Variants in ARPP19 observed in about 807,000 individuals in gnomAD.
ARPP19 encodes the protein cAMP regulated phosphoprotein 19.
ARPP19 carries 8 observed loss-of-function variants against 12.0 expected under a neutral mutation model. The ratio of observed to expected loss-of-function variants is 0.67; its 90% CI spans 0.39 to 1.21. ARPP19 has a LOEUF of 1.21. ARPP19 is among the 50% of genes most tolerant of loss of function. The pLI, the probability that ARPP19 is intolerant of heterozygous loss-of-function variation, is 0.01. For missense variants in ARPP19, 102 were observed against 136.3 expected, an observed-to-expected ratio of 0.75 and a Z score of 1.25; for synonymous variants, 47 against 50.4, an observed-to-expected ratio of 0.93 and a Z score of 0.29.
Position 52,550,522 on chromosome 15 carries a change from C to T in ARPP19, c.*1412G>A, listed in dbSNP as rs991055758. The T allele has an allele frequency of 2.0e-5, 3 of 151,838 alleles. No individual in the cohort carries two copies. Among genetic ancestry groups the T allele is most frequent in the Non-Finnish European group, 4.4e-5 (3 of 67,998 alleles). 9.4% of individuals were successfully genotyped at this position (151,838 alleles called of 1,614,324 possible). On this transcript the variant is annotated 3_prime_UTR_variant, in exon 3 of 3. Transcript: ENST00000249822. ...TAGAATATTAGTAATAATAAAGGAT[C>T]AAGAATAGTTAACTTGAGCCTAGGA...
At chr15:52,569,361 G>A, upstream of ARPP19, 1 of 193,940 alleles carries the variant, frequency 5.2e-6, no homozygotes, top group Non-Finnish European at 1.1e-5. Context: ...TCTCCGCTCT[G>A]TAGCCACACA....
At chr15:52,556,926 A>C in intron 2 of ARPP19, 174 bp downstream of exon 2, 3 of 562,694 alleles carry the variant, frequency 5.3e-6, no homozygotes, top group Non-Finnish European at 9.0e-6. Context: ...GTAGATTCTC[A>C]CAATGCTTAT....
Position 52,568,847 on chromosome 15 carries a change from CCTT to C in ARPP19, c.43_45del (p.Lys15del). ...CCAGGGCTCACGCCCCGCGCGCTCACCTTCTGCTCCTCCGCGGAGGCTGCCTCG... is the reference window on the plus strand; with the variant it reads ...CCAGGGCTCACGCCCCGCGCGCTCACCTGCTCCTCCGCGGAGGCTGCCTCG... On this transcript the variant is annotated inframe_deletion and splice_region_variant, in exon 1 of 3. Transcript: ENST00000249822. 1 of 1,573,324 alleles carries C rather than the reference CCTT, an allele frequency of 6.4e-7. No homozygotes were observed. Among genetic ancestry groups the C allele is most frequent in the Non-Finnish European group, 8.6e-7 (1 of 1,163,900 alleles).
intron 2 of ARPP19, among the ~76,000 whole-genome samples, chr15:52,553,723 A>G (rs994178929): frequency 6.6e-6 from 1 of 152,190 alleles, no homozygotes; most frequent in African/African-American, 2.4e-5. Flanking sequence ...GATAATATTT[A>G]TGGAATCTTA....
rs1472369019 is a variant in ARPP19 at position 52,550,461 on chromosome 15, C to T, written c.*1473G>A. The T allele has an allele frequency of 1.3e-5, 2 of 152,164 alleles. No homozygotes were observed. Among genetic ancestry groups the T allele is most frequent in the East Asian group, 1.9e-4 (1 of 5,190 alleles). The allele number at this position is 152,164 out of a possible 1,614,324, so 9.4% of individuals were successfully genotyped here. ...AGGTTCTTGAGCCAGTATTCCGAAC[C>T]GTTTCATTATAAAGTTCCTTTTATT... is the stretch of plus-strand genomic sequence containing the variant. On this transcript the variant is annotated 3_prime_UTR_variant, in exon 3 of 3. Coordinates refer to ENST00000249822, the MANE Select transcript of ARPP19 (RefSeq NM_006628.6).
chr15:52,554,261 G>C (rs2077961718), intron 2 of ARPP19, among the ~76,000 whole-genome samples: 1 of 151,882 alleles, frequency 6.6e-6, no homozygotes, highest in Non-Finnish European at 1.5e-5. Flanking sequence ...ATTAACTGTA[G>C]ATTAGGCTAC....
intron 1 of ARPP19, among the ~76,000 whole-genome samples, chr15:52,566,711 T>C (rs1003109630): frequency 4.6e-5 from 7 of 152,200 alleles, no homozygotes; most frequent in African/African-American, 1.7e-4. Context: ...GCCAGAATTA[T>C]AGGCAAGAGC....
intron 1 of ARPP19, among the ~76,000 whole-genome samples, chr15:52,560,535 G>T (rs796262881): frequency 1.1e-4 from 17 of 152,286 alleles, no homozygotes; most frequent in African/African-American, 4.1e-4. Flanking sequence ...CAGAATTTCA[G>T]TTGGATTTAA....
At chr15:52,564,192 C>A in intron 1 of ARPP19, 2 of 1,531,942 alleles carry the variant, frequency 1.3e-6, no homozygotes, top group East Asian at 4.9e-5. Flanking sequence ...AGGTTTACCT[C>A]TAGGCTGTTA....
intron 2 of ARPP19, 146 bp downstream of exon 2, chr15:52,556,954 T>C (rs1457012801): frequency 1.2e-5 from 9 of 775,550 alleles, no homozygotes; most frequent in Non-Finnish European, 1.8e-5. Flanking sequence ...CTGCAAAATA[T>C]TGGAAAAACC....
chr15:52,557,262 C>G, intron 1 of ARPP19, 40 bp from the exon 2 acceptor site: 1 of 1,485,686 alleles, frequency 6.7e-7, no homozygotes. Context: ...TATTACAACT[C>G]AGTTATTTAA....
intron 2 of ARPP19, among the ~76,000 whole-genome samples, chr15:52,553,610 T>G (rs1482194288): frequency 6.6e-6 from 1 of 152,206 alleles, no homozygotes; most frequent in Non-Finnish European, 1.5e-5. Flanking sequence ...CAGTGCTATA[T>G]GGTGCTCAAA....
rs2077883374 is a variant in ARPP19 at position 52,547,096 on chromosome 15, G to GGA, written c.*4837_*4838insTC. 4.1e-5 allele frequency: 1 copy of GGA among 24,230 alleles called. No individual in the cohort carries two copies. The highest frequency in any genetic ancestry group is 1.3e-4 in the Non-Finnish European group (1 of 7,456). 1.5% of individuals were successfully genotyped at this position (24,230 alleles called of 1,614,324 possible). ...CCTTAAGTACAAAGCCTTTACAAATGCAAAAAAAAAAAAAAAATCAAAGAT... is the reference window on the plus strand; with the variant it reads ...CCTTAAGTACAAAGCCTTTACAAATGGACAAAAAAAAAAAAAAAATCAAAGAT... On this transcript the variant is annotated 3_prime_UTR_variant, in exon 3 of 3. Coordinates refer to ENST00000249822, the MANE Select transcript of ARPP19 (RefSeq NM_006628.6).
At position 52,549,259 on chromosome 15, in the gene ARPP19, G is replaced by A. The variant is rs138047547; in HGVS notation, c.*2675C>T. 49 of 152,260 alleles carry A rather than the reference G, an allele frequency of 3.2e-4. 1 individual carries two copies. The highest frequency in any genetic ancestry group is 1.2e-3 in the African/African-American group (48 of 41,526). The allele number at this position is 152,260 out of a possible 1,614,324, so 9.4% of individuals were successfully genotyped here. On this transcript the variant is annotated 3_prime_UTR_variant, in exon 3 of 3. Coordinates refer to ENST00000249822, the MANE Select transcript of ARPP19 (RefSeq NM_006628.6). ...TTTCTGAGACTGTAACTTTGAAATTGTAAGAAATGGACAATTAAGCTCACT... is the reference window on the plus strand; with the variant it reads ...TTTCTGAGACTGTAACTTTGAAATTATAAGAAATGGACAATTAAGCTCACT...
In ARPP19 at chr15:52,550,532, T is replaced by C. The variant is rs1206412686; in HGVS notation, c.*1402A>G. On this transcript the variant is annotated 3_prime_UTR_variant, in exon 3 of 3. Transcript: ENST00000249822. ...GTAATAATAAAGGATCAAGAATAGT[T>C]AACTTGAGCCTAGGAGTAAGGTTGC... 1 of 152,144 alleles carries C rather than the reference T, an allele frequency of 6.6e-6. No individual in the cohort carries two copies. Among genetic ancestry groups the C allele is most frequent in the Non-Finnish European group, 1.5e-5 (1 of 68,024 alleles). 9.4% of individuals were successfully genotyped at this position (152,144 alleles called of 1,614,324 possible).
In ARPP19 at chr15:52,551,079, A is replaced by G. The variant is rs2077925947; in HGVS notation, c.*855T>C. On this transcript the variant is annotated 3_prime_UTR_variant, in exon 3 of 3. Transcript: ENST00000249822. ...AAGCCCGAGATTGTAAACTACTCTT[A>G]TTATACAAAAGCTATAATGATTTAC... is the stretch of plus-strand genomic sequence containing the variant. 1 of 152,700 alleles carries G rather than the reference A, an allele frequency of 6.5e-6. No individual in the cohort carries two copies. Among genetic ancestry groups the G allele is most frequent in the South Asian group, 2.1e-4 (1 of 4,836 alleles). The allele number at this position is 152,700 out of a possible 1,614,324, so 9.5% of individuals were successfully genotyped here.
intron 2 of ARPP19, among the ~76,000 whole-genome samples, chr15:52,555,423 AAC>A (rs35884593): frequency 0.55 from 82,987 of 151,724 alleles, 27,482 homozygotes; most frequent in Non-Finnish European, 0.73. Context: ...CATAACTAAA[AAC>A]ACAGTTGTCA....
At chr15:52,562,459 G>C (rs1222232988) in intron 1 of ARPP19, among the ~76,000 whole-genome samples, 1 of 152,014 alleles carries the variant, frequency 6.6e-6, no homozygotes, top group Non-Finnish European at 1.5e-5. Context: ...AAAAATAGGA[G>C]TTCTAGACCT....
Position 52,551,702 on chromosome 15 carries a change from T to G in ARPP19, c.*232A>C. 2 of 455,668 alleles carry G rather than the reference T, an allele frequency of 4.4e-6. No individual in the cohort carries two copies. The highest frequency in any genetic ancestry group is 7.4e-5 in the South Asian group (2 of 27,102). 28.2% of individuals were successfully genotyped at this position (455,668 alleles called of 1,614,324 possible). On this transcript the variant is annotated 3_prime_UTR_variant, in exon 3 of 3. Transcript: ENST00000249822. ...CTAGAAGTTAGGTAATATATACAAC[T>G]ATTTTCAAGTAGTTTACTTATGTTG...
Sources: gnomAD v4.1 joint callset for allele counts (sites outside exome capture counted in the v4.1 genomes callset) on GRCh38, gnomAD v4.1.1 for gene constraint, MANE v1.5 for transcripts, NCBI Gene and HGNC (gene_info 2026-07-23, HGNC 2026-07-21) for gene names.